NBAS: variants seen among roughly 807,000 people sequenced by gnomAD.
The protein encoded by NBAS is NAG/BC035112 fusion.
Under a neutral mutation model 302.5 loss-of-function variants are expected in NBAS, and 219 were observed. The ratio of observed to expected loss-of-function variants is 0.72; its 90% CI spans 0.65 to 0.81. The LOEUF is 0.81. Ranked by LOEUF, NBAS falls within the 30% of genes least tolerant of loss-of-function variation. The pLI is 0.00. For missense variants in NBAS, 2,932 were observed against 2,841.6 expected, an observed-to-expected ratio of 1.03 and a Z score of -0.72; for synonymous variants, 1,118 against 1,021.6, an observed-to-expected ratio of 1.09 and a Z score of -1.80.
intron 48 of NBAS, among the ~76,000 whole-genome samples, chr2:15,207,745 C>T (rs1168276872): frequency 3.3e-5 from 5 of 152,156 alleles, no homozygotes; most frequent in Non-Finnish European, 5.9e-5. Flanking sequence ...GAAGAAGGTG[C>T]TTGCTCTTCA....
At chr2:15,553,813 CCTCT>C (rs1311023134) in intron 4 of NBAS, among the ~76,000 whole-genome samples, 2 of 124,902 alleles carry the variant, frequency 1.6e-5, no homozygotes, top group African/African-American at 6.1e-5. Context: ...TCCCTCCCTC[CCTCT>C]CTCCCTCTCT....
At chr2:15,045,825 C>T in the NBAS span, among the ~76,000 whole-genome samples, 1 of 152,226 alleles carries the variant, frequency 6.6e-6, no homozygotes, top group Admixed American at 6.5e-5. Flanking sequence ...TGCATTCCCA[C>T]TAACAGTCTA....
chr2:15,439,530 T>C (rs1345253401), intron 21 of NBAS, among the ~76,000 whole-genome samples: 1 of 152,084 alleles, frequency 6.6e-6, no homozygotes, highest in Non-Finnish European at 1.5e-5. Context: ...TGAACAGCTC[T>C]GGTTGCAAAC....
At chr2:15,377,891 G>A (rs1674824287) in intron 30 of NBAS, among the ~76,000 whole-genome samples, 1 of 152,128 alleles carries the variant, frequency 6.6e-6, no homozygotes, top group Non-Finnish European at 1.5e-5. Flanking sequence ...AAACGATTGG[G>A]CTCAAAAATC....
the NBAS span, among the ~76,000 whole-genome samples, chr2:14,926,695 T>A: frequency 1.3e-5 from 2 of 152,176 alleles, no homozygotes; most frequent in Non-Finnish European, 2.9e-5. Context: ...TTTGCAACCA[T>A]CACCACTGTC....
the NBAS span, among the ~76,000 whole-genome samples, chr2:14,840,260 A>G: frequency 6.6e-6 from 1 of 152,000 alleles, no homozygotes; most frequent in African/African-American, 2.4e-5. Context: ...AATGAAAATA[A>G]AGGAAAATCA....
the NBAS span, among the ~76,000 whole-genome samples, chr2:15,038,384 T>G: frequency 6.6e-6 from 1 of 152,168 alleles, no homozygotes; most frequent in Non-Finnish European, 1.5e-5. Context: ...GTGCTGGGAT[T>G]ACAAGCACGA....
In NBAS at chr2:15,256,479, A is replaced by G. The variant is rs187786128; in HGVS notation, c.5725-17793T>C. The stretch of plus-strand genomic sequence containing the variant: ...GTTAGGGTTTTCAAGGTATACAATC[A>G]TATCAATTGGCAAATAGTGGCTGTT... On this transcript the variant is annotated intron_variant, in intron 44 of 51. Transcript: ENST00000281513. Among the ~76,000 whole-genome samples the G allele has an allele frequency of 3.9e-4, 60 of 152,318 alleles. No individual in the cohort carries two copies. In the East Asian group the frequency reaches 0.011, roughly 27 times the overall value.
intron 44 of NBAS, among the ~76,000 whole-genome samples, chr2:15,268,188 T>C (rs1014175557): frequency 6.6e-6 from 1 of 152,236 alleles, no homozygotes; most frequent in African/African-American, 2.4e-5. Flanking sequence ...TCAAGTACTC[T>C]TCACTCTCCC....
At chr2:15,048,185 G>A in the NBAS span, among the ~76,000 whole-genome samples, 1 of 152,210 alleles carries the variant, frequency 6.6e-6, no homozygotes, top group Admixed American at 6.5e-5. Flanking sequence ...GAATGAGCTG[G>A]CACATGGAAT....
intron 47 of NBAS, among the ~76,000 whole-genome samples, chr2:15,221,448 T>C (rs796831447): frequency 1.3e-5 from 2 of 152,280 alleles, no homozygotes; most frequent in East Asian, 3.9e-4. Flanking sequence ...ATTATCAGCA[T>C]CATCAAAGCA....
chr2:15,211,457 T>C (rs575206999), intron 48 of NBAS, among the ~76,000 whole-genome samples: 2 of 152,334 alleles, frequency 1.3e-5, no homozygotes, highest in South Asian at 4.1e-4. Context: ...ACAGAATACT[T>C]TGCATAATTT....
chr2:15,342,450 A>G (rs747018665), intron 35 of NBAS, among the ~76,000 whole-genome samples: 6 of 152,282 alleles, frequency 3.9e-5, no homozygotes, highest in Non-Finnish European at 7.4e-5. Flanking sequence ...GTAAGCTGCA[A>G]AATAATATAT....
intron 46 of NBAS, among the ~76,000 whole-genome samples, chr2:15,234,224 T>G (rs920406243): frequency 1.3e-5 from 2 of 152,212 alleles, no homozygotes; most frequent in African/African-American, 4.8e-5. Flanking sequence ...AAAAACCATA[T>G]TGAAGTCACA....
chr2:14,807,143 G>C, the NBAS span, among the ~76,000 whole-genome samples: 17 of 152,028 alleles, frequency 1.1e-4, no homozygotes, highest in East Asian at 3.1e-3. Flanking sequence ...TAAATATCAG[G>C]GGGGGGTTCA....
chr2:14,965,106 G>A, the NBAS span, among the ~76,000 whole-genome samples: 13 of 151,474 alleles, frequency 8.6e-5, no homozygotes, highest in Admixed American at 1.3e-4. Context: ...CAATAACTTC[G>A]CCTTCCGTTT....
At chr2:15,339,075 C>G (rs972047766) in intron 35 of NBAS, among the ~76,000 whole-genome samples, 3 of 152,076 alleles carry the variant, frequency 2.0e-5, no homozygotes, top group East Asian at 1.9e-4. Context: ...GAGGCCAAAC[C>G]CTTCTTGGAT....
the NBAS span, among the ~76,000 whole-genome samples, chr2:15,056,100 G>GC: frequency 1.0e-3 from 11 of 10,490 alleles, no homozygotes; most frequent in Non-Finnish European, 2.0e-3. Context: ...TCTCCTGGAA[G>GC]TAAAAAAAAA....
chr2:14,920,363 C>A, the NBAS span, among the ~76,000 whole-genome samples: 1 of 152,162 alleles, frequency 6.6e-6, no homozygotes, highest in East Asian at 1.9e-4. Flanking sequence ...AGAGCATAGG[C>A]AGAGTAGATT....
Sources: allele counts gnomAD v4.1 joint callset (sites outside exome capture counted in the v4.1 genomes callset), GRCh38; gene constraint gnomAD v4.1.1; transcripts MANE v1.5; gene names NCBI Gene and HGNC (gene_info 2026-07-23, HGNC 2026-07-21).